SDK1: variants seen among roughly 807,000 people sequenced by gnomAD.
The protein encoded by SDK1 is protein sidekick-1.
Under a neutral mutation model 245.5 loss-of-function variants are expected in SDK1, and 157 were observed. That is an observed-to-expected ratio of 0.64 (90% confidence interval 0.56 to 0.73). SDK1 has a LOEUF of 0.73. Among genes scored for constraint, SDK1 ranks in the 30% least tolerant of loss-of-function variants. SDK1 has a pLI of 0.00. For missense variants in SDK1, 3,583 were observed against 3,002.3 expected, an observed-to-expected ratio of 1.19 and a Z score of -4.52; for synonymous variants, 1,647 against 1,278.5, an observed-to-expected ratio of 1.29 and a Z score of -6.15.
At chr7:3,567,905 G>A (rs186142324) in intron 1 of SDK1, among the ~76,000 whole-genome samples, 1 of 152,144 alleles carries the variant, frequency 6.6e-6, no homozygotes, top group African/African-American at 2.4e-5. Context: ...TCGAACTCGT[G>A]GGCCCAAGTG....
chr7:4,172,612 T>C (rs1781918802), intron 32 of SDK1, among the ~76,000 whole-genome samples: 1 of 152,160 alleles, frequency 6.6e-6, no homozygotes, highest in South Asian at 2.1e-4. Flanking sequence ...CAAAACAAGT[T>C]ACTACGCATT....
intron 26 of SDK1, among the ~76,000 whole-genome samples, chr7:4,128,821 T>C (rs1784570437): frequency 8.0e-6 from 1 of 125,622 alleles, no homozygotes; most frequent in South Asian, 2.7e-4. Flanking sequence ...TAGGGTGCCC[T>C]GGAATAGAGC....
intron 1 of SDK1, among the ~76,000 whole-genome samples, chr7:3,386,002 G>A (rs1230057644): frequency 6.6e-6 from 1 of 151,954 alleles, no homozygotes; most frequent in Non-Finnish European, 1.5e-5. Flanking sequence ...GAGGGAAGCT[G>A]TGGTAAATAA....
At position 4,077,411 on chromosome 7, in the gene SDK1, T is replaced by C. The variant is rs1057055012; in HGVS notation, c.3202+222T>C. ...TCACGTCCCTTCTGTCTTCCCCTCC[T>C]GCTTTGGCCTCAGCCAGTTCCCAGA... On this transcript the variant is annotated intron_variant, in intron 21 of 44. Coordinates refer to ENST00000404826, the MANE Select transcript of SDK1 (RefSeq NM_152744.4). Among the ~76,000 whole-genome samples the C allele has an allele frequency of 5.3e-5, 8 of 152,218 alleles. No individual in the cohort carries two copies. In the South Asian group the frequency reaches 1.7e-3, roughly 31 times the overall value.
intron 4 of SDK1, among the ~76,000 whole-genome samples, chr7:3,654,082 TAGAG>T (rs1434285280): frequency 6.6e-6 from 1 of 152,156 alleles, no homozygotes; most frequent in Non-Finnish European, 1.5e-5. Context: ...CTCTGTAACT[TAGAG>T]AGGACGTGGG....
chr7:3,945,123 C>T (rs1050369633), intron 5 of SDK1, among the ~76,000 whole-genome samples: 1 of 152,024 alleles, frequency 6.6e-6, no homozygotes, highest in Admixed American at 6.6e-5. Context: ...CAAAAACAAA[C>T]AACAAAAACA....
At chr7:3,497,573 A>T (rs1391586352) in intron 1 of SDK1, among the ~76,000 whole-genome samples, 1 of 152,202 alleles carries the variant, frequency 6.6e-6, no homozygotes, top group African/African-American at 2.4e-5. Context: ...AACCTGTAAC[A>T]CACACATCTT....
intron 1 of SDK1, among the ~76,000 whole-genome samples, chr7:3,361,954 C>T (rs1780964335): frequency 6.6e-6 from 1 of 152,164 alleles, no homozygotes; most frequent in Non-Finnish European, 1.5e-5. Flanking sequence ...TGGCAGTCCT[C>T]ATTTTCTCCA....
intron 1 of SDK1, among the ~76,000 whole-genome samples, chr7:3,512,750 CTTTTTA>C (rs906347402): frequency 2.0e-5 from 3 of 152,016 alleles, no homozygotes; most frequent in Non-Finnish European, 2.9e-5. Context: ...TCCTTCCTGT[CTTTTTA>C]TTTTTATGCT....
At chr7:3,393,991 C>G (rs1781827752) in intron 1 of SDK1, among the ~76,000 whole-genome samples, 1 of 152,118 alleles carries the variant, frequency 6.6e-6, no homozygotes, top group Admixed American at 6.6e-5. Flanking sequence ...CTTGGGAAGG[C>G]TTTCCAGATA....
chr7:3,356,361 A>G (rs1475574246), intron 1 of SDK1, among the ~76,000 whole-genome samples: 2 of 152,154 alleles, frequency 1.3e-5, no homozygotes, highest in Admixed American at 6.5e-5. Flanking sequence ...ATCAAGAAGT[A>G]GGACGCTGCC....
chr7:3,427,095 T>C (rs1360879322), intron 1 of SDK1, among the ~76,000 whole-genome samples: 1 of 152,188 alleles, frequency 6.6e-6, no homozygotes, highest in Non-Finnish European at 1.5e-5. Flanking sequence ...CACACAACAA[T>C]CTTAATAACA....
chr7:3,484,310 T>G (rs1040712418), intron 1 of SDK1, among the ~76,000 whole-genome samples: 5 of 152,084 alleles, frequency 3.3e-5, no homozygotes, highest in African/African-American at 1.2e-4. Flanking sequence ...CAACCAAACA[T>G]AGATCGAAAA....
At chr7:3,858,619 T>C (rs1230483474) in intron 5 of SDK1, among the ~76,000 whole-genome samples, 1 of 151,898 alleles carries the variant, frequency 6.6e-6, no homozygotes, top group Non-Finnish European at 1.5e-5. Context: ...TGTTGTTGTG[T>C]AGCAGGGGGA....
At chr7:3,856,555 C>G (rs967006625) in intron 5 of SDK1, among the ~76,000 whole-genome samples, 1 of 150,860 alleles carries the variant, frequency 6.6e-6, no homozygotes, top group African/African-American at 2.4e-5. Flanking sequence ...CTTTGGGAGG[C>G]CGAGGCAGGT....
intron 20 of SDK1, among the ~76,000 whole-genome samples, chr7:4,072,471 C>T (rs1247724275): frequency 6.6e-6 from 1 of 152,234 alleles, no homozygotes; most frequent in African/African-American, 2.4e-5. Context: ...AGCCCAGCAT[C>T]ACCCTGTGCC....
chr7:3,821,310 G>T (rs1245499566), intron 4 of SDK1, 140 bp from the exon 5 acceptor site: 1 of 895,426 alleles, frequency 1.1e-6, no homozygotes. Flanking sequence ...TCTTAAAGTC[G>T]GCCTGTGTAT....
intron 1 of SDK1, among the ~76,000 whole-genome samples, chr7:3,546,179 G>A (rs1779219362): frequency 6.6e-6 from 1 of 152,194 alleles, no homozygotes; most frequent in Non-Finnish European, 1.5e-5. Context: ...GGGCCTGGGA[G>A]TCAGCATTTC....
chr7:3,864,473 A>G (rs2115122911), intron 5 of SDK1, among the ~76,000 whole-genome samples: 1 of 152,316 alleles, frequency 6.6e-6, no homozygotes, highest in Non-Finnish European at 1.5e-5. Context: ...AAAAGGGTAA[A>G]GCAGATAGGA....
Sources: gnomAD v4.1 joint callset for allele counts (sites outside exome capture counted in the v4.1 genomes callset) on GRCh38, gnomAD v4.1.1 for gene constraint, MANE v1.5 for transcripts, NCBI Gene and HGNC (gene_info 2026-07-23, HGNC 2026-07-21) for gene names.